EMC3: variants seen among roughly 807,000 people sequenced by gnomAD.
EMC3 encodes the protein ER membrane protein complex subunit 3.
Under a neutral mutation model 36.6 loss-of-function variants are expected in EMC3, and 13 were observed. The observed-to-expected ratio is 0.35, with a 90% CI of 0.23 to 0.56. EMC3 has a LOEUF of 0.56. EMC3 is among the 20% of genes least tolerant of loss of function. EMC3 has a pLI of 0.84. For missense variants in EMC3, 220 were observed against 324.5 expected (o/e 0.68, Z 2.47); for synonymous variants, 120 against 111.9 (o/e 1.07, Z -0.46).
At position 10,008,533 on chromosome 3, in the gene EMC3, G is replaced by A. The variant is rs542357419; in HGVS notation, c.-242+2490C>T. ...GAGGGTGGGGAGCAGGCCTCAGCAG[G>A]GCGGGTTCCCAAAAGACAGCCCAGA... On this transcript the variant is annotated intron_variant, in intron 1 of 8. Transcript: ENST00000470827. 3.0e-6 allele frequency: 4 copies of A among 1,338,136 alleles called. No homozygotes were observed. In the African/African-American group the frequency reaches 6.0e-5, roughly 20 times the overall value. 82.9% of individuals were successfully genotyped at this position (1,338,136 alleles called of 1,614,324 possible). A position where few individuals can be genotyped will look rare whatever the true frequency, so the allele number is the denominator to read the frequency against.
At chr3:9,969,456 G>T (rs949055957) in intron 7 of EMC3, 5 of 1,352,712 alleles carry the variant, frequency 3.7e-6, no homozygotes, top group South Asian at 1.5e-5. Context: ...TGGCACCTCC[G>T]ATTGGATTAT....
Position 10,007,267 on chromosome 3 carries a change from T to G in EMC3, c.-242+3756A>C, listed in dbSNP as rs3732962. ...TAGAGTCCCACACATTGTTCATGGC[T>G]TCCCCACACTCACACTACCTGGTGA... On this transcript the variant is annotated intron_variant, in intron 1 of 8. Coordinates refer to the EMC3 transcript ENST00000470827. 15 of 1,224,954 alleles carry G rather than the reference T, an allele frequency of 1.2e-5. No homozygotes were observed. In the African/African-American group the frequency reaches 2.4e-4, roughly 19 times the overall value. The allele number at this position is 1,224,954 out of a possible 1,614,324, so 75.9% of individuals were successfully genotyped here.
intron 1 of EMC3, among the ~76,000 whole-genome samples, chr3:10,001,328 G>A (rs1366058175): frequency 2.0e-5 from 3 of 151,266 alleles, no homozygotes; most frequent in Non-Finnish European, 1.5e-5. Flanking sequence ...TTGGGGGGCC[G>A]AGGTGGGCGG....
At chr3:9,975,044 A>G (rs1054175238) in intron 3 of EMC3, among the ~76,000 whole-genome samples, 2 of 151,274 alleles carry the variant, frequency 1.3e-5, no homozygotes, top group African/African-American at 4.9e-5. Flanking sequence ...TATTTTCAGT[A>G]GAGACGGGGT....
intron 1 of EMC3, chr3:10,000,665 T>G: frequency 2.1e-6 from 1 of 480,172 alleles, no homozygotes. Flanking sequence ...TTTTTTAAGA[T>G]AAGCTATCAA....
intron 1 of EMC3, chr3:9,981,813 T>C: frequency 2.5e-6 from 1 of 404,192 alleles, no homozygotes; most frequent in South Asian, 1.8e-5. Flanking sequence ...GAATCAGTGT[T>C]TCTTCCTTTC....
At chr3:9,996,743 G>T (rs2086130946) in intron 1 of EMC3, among the ~76,000 whole-genome samples, 1 of 152,062 alleles carries the variant, frequency 6.6e-6, no homozygotes, top group African/African-American at 2.4e-5. Flanking sequence ...TAGGCACCTG[G>T]TTTGTCTCCC....
intron 7 of EMC3, among the ~76,000 whole-genome samples, chr3:9,965,074 G>A (rs1243823269): frequency 6.8e-6 from 1 of 146,806 alleles, no homozygotes; most frequent in Non-Finnish European, 1.5e-5. Context: ...TGAGCCTAGA[G>A]ATAGTAATAC....
upstream of EMC3, among the ~76,000 whole-genome samples, chr3:9,990,877 G>A (rs1650500023): frequency 6.6e-6 from 1 of 151,296 alleles, no homozygotes; most frequent in Non-Finnish European, 1.5e-5. Flanking sequence ...CGCCCAGGCT[G>A]TAGTGCAGTG....
Position 9,975,237 on chromosome 3 carries a change from T to C in EMC3, c.308-749A>G, listed in dbSNP as rs748941654. Among the ~76,000 whole-genome samples, 7 of 152,206 alleles carry C rather than the reference T, an allele frequency of 4.6e-5. 1 individual carries two copies. Among genetic ancestry groups the C allele is most frequent in the South Asian group, 4.1e-4 (2 of 4,836 alleles). ...ATCACTTTTGAGTAGACCTATCGAT[T>C]GTTTCCATTGTTTTTGCCAATAAAC... On this transcript the variant is annotated intron_variant, in intron 3 of 7. Coordinates refer to ENST00000245046, the MANE Select transcript of EMC3 (RefSeq NM_001394674.1).
upstream of EMC3, among the ~76,000 whole-genome samples, chr3:9,991,647 T>A (rs1393667703): frequency 6.6e-6 from 1 of 152,112 alleles, no homozygotes; most frequent in Non-Finnish European, 1.5e-5. Flanking sequence ...CCCAAAGCAG[T>A]GGGATTATAG....
chr3:9,985,353 T>C (rs9837482), intron 1 of EMC3, among the ~76,000 whole-genome samples: 3,321 of 152,304 alleles, frequency 0.022, 138 homozygotes, highest in African/African-American at 0.076. Flanking sequence ...GAGAAATTAA[T>C]GTGAGAGAGA....
rs2085705909 is a variant in EMC3, at chr3:9,963,453, A to ATATAT, written c.*615_*616insATATA. 2 of 88,614 alleles carry ATATAT rather than the reference A, an allele frequency of 2.3e-5. No individual in the cohort carries two copies. The highest frequency in any genetic ancestry group is 4.4e-5 in the Non-Finnish European group (2 of 45,420). 5.5% of individuals were successfully genotyped at this position (88,614 alleles called of 1,614,324 possible). ...TCGAAGACTGGGCTTCTGCTAAGATAGATATATATATATATATATATATAT... is the reference window on the plus strand; with the variant it reads ...TCGAAGACTGGGCTTCTGCTAAGATATATATGATATATATATATATATATATATAT... On this transcript the variant is annotated 3_prime_UTR_variant, in exon 8 of 8. Transcript: ENST00000245046.
intron 1 of EMC3, among the ~76,000 whole-genome samples, chr3:10,007,997 A>C (rs2124943836): frequency 6.6e-6 from 1 of 152,260 alleles, no homozygotes; most frequent in Middle Eastern, 3.4e-3. Flanking sequence ...TTGTCTCCCC[A>C]GTGAGCTGCT....
chr3:9,990,487 A>T (rs563792907), upstream of EMC3, among the ~76,000 whole-genome samples: 26 of 151,916 alleles, frequency 1.7e-4, no homozygotes, highest in East Asian at 4.9e-3. Flanking sequence ...GGCAAGCACC[A>T]CCAGGCCTGG....
chr3:10,004,856 G>A (rs775729041), intron 1 of EMC3: 1 of 152,328 alleles, frequency 6.6e-6, no homozygotes, highest in Non-Finnish European at 1.5e-5. Flanking sequence ...CTGGGGTATT[G>A]TCACCGACAG....
upstream of EMC3, chr3:9,988,895 G>A (rs2086011140): frequency 1.6e-6 from 1 of 611,366 alleles, no homozygotes. Flanking sequence ...TAGCTGTCTG[G>A]GGAAGATAAT....
rs1274163666 is a variant in EMC3 at position 9,996,716 on chromosome 3, ACTT to A, written c.-241-9817_-241-9815del. Among the ~76,000 whole-genome samples the A allele has an allele frequency of 2.6e-5, 4 of 152,210 alleles. No individual in the cohort carries two copies. The East Asian group carries it at 5.8e-4, about 22-fold the overall frequency. ...AAGAGTATCCAGTGAAAAATAACTC[ACTT>A]CTTCTCAGTCCTCTAGGCACCTGGT... On this transcript the variant is annotated intron_variant, in intron 1 of 8. Transcript: ENST00000470827.
At chr3:9,989,520 C>T (rs1353977549), upstream of EMC3, among the ~76,000 whole-genome samples, 1 of 152,138 alleles carries the variant, frequency 6.6e-6, no homozygotes, top group Non-Finnish European at 1.5e-5. Context: ...TGATTGGTTG[C>T]CTTTAAAGAT....
Sources: gnomAD v4.1 joint callset for allele counts (sites outside exome capture counted in the v4.1 genomes callset) on GRCh38, gnomAD v4.1.1 for gene constraint, MANE v1.5 for transcripts, NCBI Gene and HGNC (gene_info 2026-07-23, HGNC 2026-07-21) for gene names.